PCTP: variants seen among roughly 807,000 people sequenced by gnomAD.
PCTP encodes the protein START domain-containing protein 2.
A neutral mutation model predicts 31.0 loss-of-function variants in PCTP; 27 were observed. That is an observed-to-expected ratio of 0.87 (90% CI 0.64 to 1.20). The LOEUF is 1.20. Ranked by LOEUF, PCTP falls within the 50% of genes most tolerant of loss-of-function variation. PCTP has a pLI of 0.00. For synonymous variants in PCTP, 108 were observed against 101.2 expected (o/e 1.07, Z -0.40); for missense variants, 287 against 268.2 (o/e 1.07, Z -0.49).
At chr17:55,822,466 T>G (rs189111801) in intron 3 of PCTP, among the ~76,000 whole-genome samples, 1 of 152,324 alleles carries the variant, frequency 6.6e-6, no homozygotes, top group East Asian at 1.9e-4. Context: ...GGTTACCCTT[T>G]TGTGGGAAAT....
At chr17:55,766,743 G>A (rs1386950867) in intron 1 of PCTP, among the ~76,000 whole-genome samples, 1 of 152,118 alleles carries the variant, frequency 6.6e-6, no homozygotes, top group Non-Finnish European at 1.5e-5. Flanking sequence ...TGTCTTTATA[G>A]CAGCATGATT....
At chr17:55,830,776 GT>G (rs1462951971) in intron 5 of PCTP, among the ~76,000 whole-genome samples, 1 of 152,184 alleles carries the variant, frequency 6.6e-6, no homozygotes, top group African/African-American at 2.4e-5. Flanking sequence ...TAGTTGAGGG[GT>G]TAGGGGAGAT....
intron 5 of PCTP, among the ~76,000 whole-genome samples, chr17:55,831,342 A>C (rs1320508185): frequency 6.6e-6 from 1 of 152,160 alleles, no homozygotes. Context: ...ACTTCCTTAA[A>C]AGTGAAGCAA....
chr17:55,825,598 C>A (rs1202966050), downstream of PCTP, among the ~76,000 whole-genome samples: 1 of 152,182 alleles, frequency 6.6e-6, no homozygotes, highest in African/African-American at 2.4e-5. Context: ...GTGAAAAGGT[C>A]CCACAACTGT....
downstream of PCTP, among the ~76,000 whole-genome samples, chr17:55,825,596 G>A (rs1285902752): frequency 6.6e-6 from 1 of 152,196 alleles, no homozygotes; most frequent in Non-Finnish European, 1.5e-5. Flanking sequence ...TGGTGAAAAG[G>A]TCCCACAACT....
In PCTP at chr17:55,776,711, G is replaced by T; in HGVS notation, c.*611G>T. 1 of 1,205,366 alleles carries T rather than the reference G, an allele frequency of 8.3e-7. No individual in the cohort carries two copies. Among genetic ancestry groups the T allele is most frequent in the South Asian group, 4.3e-5 (1 of 23,234 alleles). 74.7% of individuals were successfully genotyped at this position (1,205,366 alleles called of 1,614,324 possible). A position where few individuals can be genotyped will look rare whatever the true frequency, so the allele number is the denominator to read the frequency against. ...AAGTCTTTCCTCGTTCCTACTTGTG[G>T]AGGATCAGTAGCTGTTATGATGCCA... is the stretch of plus-strand genomic sequence containing the variant. On this transcript the variant is annotated 3_prime_UTR_variant, in exon 6 of 6. Coordinates refer to ENST00000268896, the MANE Select transcript of PCTP (RefSeq NM_021213.4).
rs61303207 is a variant in PCTP at position 55,755,743 on chromosome 17, C to G, written c.141+4499C>G. The stretch of plus-strand genomic sequence containing the variant: ...ATTTCCTTCCTCTCTTATTTCTTCT[C>G]CATGTTGTAATGATAATAACTTTAT... On this transcript the variant is annotated intron_variant, in intron 1 of 5. Coordinates refer to ENST00000268896, the MANE Select transcript of PCTP (RefSeq NM_021213.4). Among the ~76,000 whole-genome samples, 34 of 152,230 alleles carry G rather than the reference C, an allele frequency of 2.2e-4. No individual in the cohort carries two copies. In the East Asian group the frequency reaches 6.2e-3, roughly 28 times the overall value.
At chr17:55,756,662 G>T (rs1456218072) in intron 1 of PCTP, among the ~76,000 whole-genome samples, 2 of 152,058 alleles carry the variant, frequency 1.3e-5, no homozygotes, top group Non-Finnish European at 2.9e-5. Flanking sequence ...GTGTATGTTT[G>T]AAATCTTTCA....
At chr17:55,846,613 C>A (rs1054014142), downstream of PCTP, among the ~76,000 whole-genome samples, 1 of 152,206 alleles carries the variant, frequency 6.6e-6, no homozygotes, top group African/African-American at 2.4e-5. Context: ...AACCAAATTA[C>A]TGCCATAGAA....
intron 5 of PCTP, among the ~76,000 whole-genome samples, chr17:55,829,575 G>T (rs1377608567): frequency 6.6e-6 from 1 of 152,066 alleles, no homozygotes; most frequent in East Asian, 1.9e-4. Context: ...CTTCTGAAGT[G>T]CTGGGATTAT....
At chr17:55,759,590 G>A (rs199612192) in intron 1 of PCTP, among the ~76,000 whole-genome samples, 1 of 152,188 alleles carries the variant, frequency 6.6e-6, no homozygotes, top group East Asian at 1.9e-4. Flanking sequence ...AATAGATTGG[G>A]GGTGTTTCCT....
At chr17:55,786,442 A>G (rs1911750387) in intron 2 of PCTP, among the ~76,000 whole-genome samples, 1 of 152,256 alleles carries the variant, frequency 6.6e-6, no homozygotes, top group Non-Finnish European at 1.5e-5. Context: ...TGGCACATGT[A>G]TACATATGTA....
intron 3 of PCTP, among the ~76,000 whole-genome samples, chr17:55,797,205 G>A (rs1045064095): frequency 6.6e-6 from 1 of 151,982 alleles, no homozygotes; most frequent in Non-Finnish European, 1.5e-5. Context: ...CAGCTATCCT[G>A]CAGAGAATAA....
chr17:55,775,747 G>A, intron 5 of PCTP: 1 of 1,260,530 alleles, frequency 7.9e-7, no homozygotes, highest in Non-Finnish European at 9.9e-7. Context: ...CATTTCTTGT[G>A]TTTTCTTTTT....
the PCTP span, among the ~76,000 whole-genome samples, chr17:55,849,717 A>G: frequency 6.6e-6 from 1 of 152,228 alleles, no homozygotes; most frequent in East Asian, 1.9e-4. Context: ...AATTCATTTT[A>G]TAAGACGAAC....
chr17:55,815,142 C>A (rs943112643), intron 3 of PCTP, among the ~76,000 whole-genome samples: 1 of 152,054 alleles, frequency 6.6e-6, no homozygotes, highest in Non-Finnish European at 1.5e-5. Context: ...TGCACAAAAG[C>A]AATTTACTAT....
At chr17:55,799,692 G>A (rs1246635755) in intron 3 of PCTP, among the ~76,000 whole-genome samples, 1 of 152,056 alleles carries the variant, frequency 6.6e-6, no homozygotes, top group Non-Finnish European at 1.5e-5. Flanking sequence ...AATTTGGTAT[G>A]TTTTGCAGTG....
At chr17:55,805,830 C>T (rs1912560191) in intron 3 of PCTP, among the ~76,000 whole-genome samples, 1 of 151,260 alleles carries the variant, frequency 6.6e-6, no homozygotes, top group Non-Finnish European at 1.5e-5. Flanking sequence ...TTATTTGGCC[C>T]TGCTTTTGAA....
intron 3 of PCTP, among the ~76,000 whole-genome samples, chr17:55,792,996 C>T (rs1223425502): frequency 2.0e-5 from 3 of 152,050 alleles, no homozygotes; most frequent in African/African-American, 7.2e-5. Context: ...AACAAAAACG[C>T]ATCTCCCCAT....
Sources: allele counts gnomAD v4.1 joint callset (sites outside exome capture counted in the v4.1 genomes callset), GRCh38; gene constraint gnomAD v4.1.1; transcripts MANE v1.5; gene names NCBI Gene and HGNC (gene_info 2026-07-23, HGNC 2026-07-21).